UGT2B4: variants seen among roughly 807,000 people sequenced by gnomAD.
The protein encoded by UGT2B4 is UDP glucuronosyltransferase family 2 member B4.
A neutral mutation model predicts 49.8 loss-of-function variants in UGT2B4; 49 were observed. The observed-to-expected ratio is 0.98, with a 90% CI of 0.78 to 1.25. The LOEUF (loss-of-function observed/expected upper bound fraction) is 1.25. UGT2B4 is among the 50% of genes most tolerant of loss of function. The pLI is 0.00. For missense variants in UGT2B4, 729 were observed against 627.7 expected, an observed-to-expected ratio of 1.16 and a Z score of -1.73; for synonymous variants, 246 against 217.7, an observed-to-expected ratio of 1.13 and a Z score of -1.14.
intron 3 of UGT2B4, among the ~76,000 whole-genome samples, chr4:69,488,510 T>A (rs958781558): frequency 6.6e-6 from 1 of 152,160 alleles, no homozygotes; most frequent in Non-Finnish European, 1.5e-5. Flanking sequence ...GAAGGATATG[T>A]CAGGCAGGGA....
Position 69,486,595 on chromosome 4 carries a change from C to T in UGT2B4, c.1090+14G>A. ...GTTACTAATATATTCAGTATTTGTT[C>T]TTCAGAGACTTACCAAGAAGATCAT... is the stretch of plus-strand genomic sequence containing the variant. On this transcript the variant is annotated intron_variant, in intron 4 of 5. Coordinates refer to ENST00000305107, the MANE Select transcript of UGT2B4 (RefSeq NM_021139.3). 1 of 1,556,770 alleles carries T rather than the reference C, an allele frequency of 6.4e-7. No homozygotes were observed. The highest frequency in any genetic ancestry group is 8.7e-7 in the Non-Finnish European group (1 of 1,144,828).
chr4:69,483,242 G>T (rs1479989084), intron 5 of UGT2B4, among the ~76,000 whole-genome samples: 3 of 151,630 alleles, frequency 2.0e-5, no homozygotes, highest in Admixed American at 2.0e-4. Flanking sequence ...TACTCTTTAT[G>T]ATATTGAATC....
intron 5 of UGT2B4, among the ~76,000 whole-genome samples, chr4:69,484,665 C>A (rs933399573): frequency 3.3e-5 from 5 of 152,100 alleles, no homozygotes; most frequent in African/African-American, 1.2e-4. Context: ...ATTATGGCTT[C>A]TTTTACGTTG....
chr4:69,492,649 T>C (rs1239390476), intron 2 of UGT2B4, among the ~76,000 whole-genome samples: 1 of 152,126 alleles, frequency 6.6e-6, no homozygotes, highest in Non-Finnish European at 1.5e-5. Flanking sequence ...AAGTAATTCA[T>C]AGTATTAGTA....
Position 69,480,510 on chromosome 4 carries a change from G to T in UGT2B4, c.*124C>A. ...ACTAAAACAAATTTTGACTTGACAA[G>T]GTAAGTTTTGAAAGATGTTTTGTCA... On this transcript the variant is annotated 3_prime_UTR_variant, in exon 6 of 6. Transcript: ENST00000305107. 1 of 1,447,010 alleles carries T rather than the reference G, an allele frequency of 6.9e-7. No individual in the cohort carries two copies. Among genetic ancestry groups the T allele is most frequent in the Non-Finnish European group, 9.3e-7 (1 of 1,080,022 alleles). 89.6% of individuals were successfully genotyped at this position (1,447,010 alleles called of 1,614,324 possible).
chr4:69,486,434 TA>T, intron 4 of UGT2B4, 174 bp downstream of exon 4: 1 of 361,166 alleles, frequency 2.8e-6, no homozygotes, highest in Non-Finnish European at 4.7e-6. Context: ...GTGCATATCA[TA>T]AAATGCCAAC....
At chr4:69,498,236 G>T (rs1250597124), upstream of UGT2B4, among the ~76,000 whole-genome samples, 2 of 152,172 alleles carry the variant, frequency 1.3e-5, no homozygotes, top group East Asian at 3.8e-4. Context: ...AACCAAATCT[G>T]CAACATCTCA....
chr4:69,494,799 C>A (rs1728095041), intron 1 of UGT2B4, among the ~76,000 whole-genome samples: 1 of 152,084 alleles, frequency 6.6e-6, no homozygotes, highest in Non-Finnish European at 1.5e-5. Flanking sequence ...TACCAGTATG[C>A]ATTCAGCAAG....
At chr4:69,505,927 A>G (rs1481635488) in intron 1 of UGT2B4, among the ~76,000 whole-genome samples, 1 of 152,072 alleles carries the variant, frequency 6.6e-6, no homozygotes, top group Non-Finnish European at 1.5e-5. Context: ...AAACCATACA[A>G]TTACATTGAA....
At chr4:69,516,151 A>G (rs1225520170) in intron 1 of UGT2B4, among the ~76,000 whole-genome samples, 2 of 152,188 alleles carry the variant, frequency 1.3e-5, no homozygotes, top group Non-Finnish European at 2.9e-5. Flanking sequence ...AGCTGCATCC[A>G]TATCCCTGAA....
rs561448546 is a variant in UGT2B4, at chr4:69,493,544, G to T, written c.870+149C>A. 20 of 873,310 alleles carry T rather than the reference G, an allele frequency of 2.3e-5. No homozygotes were observed. The East Asian group carries it at 5.7e-4, about 25-fold the overall frequency. The allele number at this position is 873,310 out of a possible 1,614,324, so 54.1% of individuals were successfully genotyped here. A position where few individuals can be genotyped will look rare whatever the true frequency, so the allele number is the denominator to read the frequency against. On this transcript the variant is annotated intron_variant, in intron 2 of 5. Transcript: ENST00000305107. ...TGATGAAATTCATAAACTTGTGATA[G>T]TATCAACATGTACGTCAGTTTCTAA...
At chr4:69,524,408 G>A (rs1560445691) in intron 1 of UGT2B4, among the ~76,000 whole-genome samples, 1 of 151,818 alleles carries the variant, frequency 6.6e-6, no homozygotes, top group African/African-American at 2.4e-5. Flanking sequence ...CAGAGGAGAG[G>A]GAGAGAGATG....
intron 5 of UGT2B4, among the ~76,000 whole-genome samples, chr4:69,483,903 T>A (rs991011172): frequency 7.2e-5 from 11 of 152,102 alleles, no homozygotes; most frequent in African/African-American, 2.7e-4. Context: ...AAATTATATA[T>A]CTCATATGGG....
intron 1 of UGT2B4, among the ~76,000 whole-genome samples, chr4:69,509,915 C>CA (rs947121387): frequency 3.3e-5 from 5 of 151,812 alleles, no homozygotes; most frequent in African/African-American, 4.8e-5. Context: ...AGATCATATT[C>CA]AAAAAAATTG....
intron 1 of UGT2B4, among the ~76,000 whole-genome samples, chr4:69,514,817 T>C (rs180983296): frequency 6.6e-6 from 1 of 152,176 alleles, no homozygotes; most frequent in African/African-American, 2.4e-5. Flanking sequence ...TGAAGACATA[T>C]ATAGGCTTAA....
intron 1 of UGT2B4, among the ~76,000 whole-genome samples, chr4:69,509,845 T>C (rs951253050): frequency 4.1e-5 from 6 of 146,302 alleles, no homozygotes; most frequent in East Asian, 1.9e-4. Flanking sequence ...GTGTAGAATA[T>C]TTTTTTTTTG....
intron 5 of UGT2B4, among the ~76,000 whole-genome samples, chr4:69,482,319 C>T (rs999931481): frequency 1.3e-5 from 2 of 152,264 alleles, no homozygotes; most frequent in South Asian, 2.1e-4. Flanking sequence ...ATACATTGTA[C>T]GTCTTCTAAA....
chr4:69,495,746 A>T lies in UGT2B4; in HGVS notation c.116T>A (p.Ile39Lys). ...WPTEFSHWMNIKTILDELVQR... is the reference protein window; with the variant it reads ...WPTEFSHWMNKKTILDELVQR... ...GACAAGTTCATCCAGGATTGTCTTT[A>T]TATTCATCCAGTGGCTGAATTCTGT... The change falls in exon 1 of 6, where the codon ATA becomes AAA. Residue 39 changes from isoleucine to lysine, a missense_variant. By Grantham distance (102) the Ile-to-Lys change is moderately radical. Coordinates refer to ENST00000305107, the MANE Select transcript of UGT2B4 (RefSeq NM_021139.3). 1 of 1,614,078 alleles carries T rather than the reference A, an allele frequency of 6.2e-7. No individual in the cohort carries two copies. The highest frequency in any genetic ancestry group is 8.5e-7 in the Non-Finnish European group (1 of 1,179,972).
At chr4:69,485,874 A>G (rs538878169) in intron 4 of UGT2B4, among the ~76,000 whole-genome samples, 1 of 152,118 alleles carries the variant, frequency 6.6e-6, no homozygotes, top group African/African-American at 2.4e-5. Context: ...CAGTTCTCCT[A>G]CTCAGCCTTC....
Sources: gnomAD v4.1 joint callset for allele counts (sites outside exome capture counted in the v4.1 genomes callset) on GRCh38, gnomAD v4.1.1 for gene constraint, MANE v1.5 for transcripts, NCBI Gene and HGNC (gene_info 2026-07-23, HGNC 2026-07-21) for gene names.